Variants in C8orf34 observed in about 807,000 individuals in gnomAD.
The protein encoded by C8orf34 is uncharacterized protein C8orf34.
C8orf34 carries 65 observed loss-of-function variants against 68.3 expected under a neutral mutation model. The observed-to-expected ratio is 0.95, with a 90% CI of 0.78 to 1.17. The LOEUF (loss-of-function observed/expected upper bound fraction) is 1.17, where lower values mean the gene tolerates loss of function less well. Among genes scored for constraint, C8orf34 ranks in the 50% most tolerant of loss-of-function variants. The pLI is 0.00. For synonymous variants in C8orf34, 244 were observed against 241.2 expected, an observed-to-expected ratio of 1.01 and a Z score of -0.11; for missense variants, 664 against 655.4, an observed-to-expected ratio of 1.01 and a Z score of -0.14.
chr8:68,792,099 C>T (rs1209308391), intron 12 of C8orf34: 1 of 152,030 alleles, frequency 6.6e-6, no homozygotes, highest in Non-Finnish European at 1.5e-5. Context: ...TTTAGAACTC[C>T]CAAAGATTTA....
intron 1 of C8orf34, among the ~76,000 whole-genome samples, chr8:68,430,784 A>C (rs1810421342): frequency 6.6e-6 from 1 of 152,042 alleles, no homozygotes; most frequent in Non-Finnish European, 1.5e-5. Context: ...CTCTTGGGGG[A>C]TGACTTGCAA....
chr8:68,681,479 T>G (rs1381404964), intron 8 of C8orf34, among the ~76,000 whole-genome samples: 8 of 152,130 alleles, frequency 5.3e-5, no homozygotes, highest in African/African-American at 1.9e-4. Context: ...CTTACCCCAG[T>G]TAAAATGACT....
At chr8:68,510,171 A>G (rs766115891) in intron 5 of C8orf34, among the ~76,000 whole-genome samples, 2 of 152,086 alleles carry the variant, frequency 1.3e-5, no homozygotes, top group Non-Finnish European at 1.5e-5. Context: ...GGGGAGTTGC[A>G]TGCACTCCCT....
chr8:68,406,328 G>T (rs1809191891), intron 1 of C8orf34, among the ~76,000 whole-genome samples: 1 of 152,094 alleles, frequency 6.6e-6, no homozygotes, highest in Non-Finnish European at 1.5e-5. Context: ...TTTAGGGTCT[G>T]AGTGATGTAC....
intron 8 of C8orf34, among the ~76,000 whole-genome samples, chr8:68,674,391 A>G (rs901807905): frequency 6.6e-6 from 1 of 152,200 alleles, no homozygotes; most frequent in Non-Finnish European, 1.5e-5. Context: ...GAGAAAACTC[A>G]GTGAAATTCA....
At chr8:68,790,721 A>G in intron 12 of C8orf34, 1 of 487,212 alleles carries the variant, frequency 2.1e-6, no homozygotes, top group Non-Finnish European at 3.6e-6. Flanking sequence ...AATCTCTCAG[A>G]TTATGGTCTG....
chr8:68,679,013 C>T (rs925050405), intron 8 of C8orf34, among the ~76,000 whole-genome samples: 1 of 152,006 alleles, frequency 6.6e-6, no homozygotes, highest in Non-Finnish European at 1.5e-5. Flanking sequence ...ACAATAGCTA[C>T]TAATAGGCCA....
chr8:68,556,163 A>G (rs1289697558), intron 7 of C8orf34, among the ~76,000 whole-genome samples: 1 of 152,012 alleles, frequency 6.6e-6, no homozygotes, highest in Non-Finnish European at 1.5e-5. Flanking sequence ...AAAAAAAATT[A>G]TGGCCAAAAA....
intron 4 of C8orf34, among the ~76,000 whole-genome samples, chr8:68,475,969 T>C (rs1184934184): frequency 6.6e-6 from 1 of 152,184 alleles, no homozygotes; most frequent in Non-Finnish European, 1.5e-5. Context: ...ATATTTATGC[T>C]CTGTGACTGC....
At position 68,766,168 on chromosome 8, in the gene C8orf34, A is replaced by T. The variant is rs920846736; in HGVS notation, c.1405-10231A>T. Among the ~76,000 whole-genome samples the T allele has an allele frequency of 1.9e-4, 29 of 152,242 alleles. 1 individual carries two copies. The highest frequency in any genetic ancestry group is 6.5e-4 in the African/African-American group (27 of 41,476). On this transcript the variant is annotated intron_variant, in intron 10 of 13. Transcript: ENST00000518698. The stretch of plus-strand genomic sequence containing the variant: ...AATCACTTTTTTAAGTTAAGGAAAT[A>T]TGAGCCAAAAACATGAGAGACGTAA...
chr8:68,415,409 G>C (rs891343877), intron 1 of C8orf34, among the ~76,000 whole-genome samples: 1 of 152,052 alleles, frequency 6.6e-6, no homozygotes, highest in African/African-American at 2.4e-5. Context: ...GAACCCAGGA[G>C]GCAGAAGTTG....
chr8:68,367,919 A>G (rs1585998156), intron 1 of C8orf34, among the ~76,000 whole-genome samples: 2 of 135,350 alleles, frequency 1.5e-5, no homozygotes, highest in African/African-American at 3.1e-5. Flanking sequence ...AAAGAAAAAA[A>G]AAAAAAAAAA....
chr8:68,724,610 C>A (rs1402488224), intron 10 of C8orf34, among the ~76,000 whole-genome samples: 2 of 152,044 alleles, frequency 1.3e-5, no homozygotes, highest in East Asian at 3.9e-4. Context: ...CTGGAATTTC[C>A]CTCTCCCTCT....
intron 10 of C8orf34, among the ~76,000 whole-genome samples, chr8:68,766,530 G>T (rs536092626): frequency 3.3e-5 from 5 of 152,108 alleles, no homozygotes; most frequent in Non-Finnish European, 5.9e-5. Flanking sequence ...GTTATAATTA[G>T]ATTAGTTTAA....
At chr8:68,620,217 C>T (rs954706145) in intron 7 of C8orf34, among the ~76,000 whole-genome samples, 6 of 152,174 alleles carry the variant, frequency 3.9e-5, no homozygotes, top group Non-Finnish European at 8.8e-5. Context: ...CCTGTGTGCT[C>T]TGAGCGGGAC....
chr8:68,791,128 A>G (rs1471637747), intron 12 of C8orf34: 6 of 448,636 alleles, frequency 1.3e-5, no homozygotes, highest in Non-Finnish European at 2.3e-5. Context: ...GCTATAAAGA[A>G]CTGCCTGAGA....
chr8:68,586,435 T>A (rs1341540577), intron 7 of C8orf34, among the ~76,000 whole-genome samples: 1 of 152,158 alleles, frequency 6.6e-6, no homozygotes, highest in Non-Finnish European at 1.5e-5. Flanking sequence ...GTAGCTTCTA[T>A]TCAGAAATCT....
chr8:68,553,569 T>A (rs1816155612), intron 7 of C8orf34, among the ~76,000 whole-genome samples: 1 of 152,040 alleles, frequency 6.6e-6, no homozygotes, highest in East Asian at 1.9e-4. Context: ...TTATATTTTT[T>A]AATTGGGTTA....
At chr8:68,683,746 T>TA (rs541246287) in intron 8 of C8orf34, among the ~76,000 whole-genome samples, 5 of 152,080 alleles carry the variant, frequency 3.3e-5, no homozygotes, top group Admixed American at 1.3e-4. Flanking sequence ...TAGATAACAA[T>TA]AAAAAAAGTC....
Sources: allele counts gnomAD v4.1 joint callset (sites outside exome capture counted in the v4.1 genomes callset), GRCh38; gene constraint gnomAD v4.1.1; transcripts MANE v1.5; gene names NCBI Gene and HGNC (gene_info 2026-07-23, HGNC 2026-07-21).